The following CLSTN2 variants were observed in gnomAD, a reference collection of about 807,000 sequenced individuals.
CLSTN2 encodes calsyntenin-2.
A neutral mutation model predicts 101.2 loss-of-function variants in CLSTN2; 48 were observed. The observed-to-expected ratio is 0.47, with a 90% CI of 0.38 to 0.60. CLSTN2 has a LOEUF of 0.60. Among genes scored for constraint, CLSTN2 ranks in the 20% least tolerant of loss-of-function variants. CLSTN2 has a pLI of 0.00. For missense variants in CLSTN2, 1,160 were observed against 1,238.2 expected, an observed-to-expected ratio of 0.94 and a Z score of 0.95; for synonymous variants, 481 against 463.6, an observed-to-expected ratio of 1.04 and a Z score of -0.48.
intron 8 of CLSTN2, chr3:140,507,241 TAACTC>T (rs1934703318): frequency 6.6e-6 from 1 of 152,216 alleles, no homozygotes; most frequent in South Asian, 2.1e-4. Context: ...TTACATGTAT[TAACTC>T]AATCATCACA....
At chr3:140,352,587 C>T (rs778898709) in intron 2 of CLSTN2, among the ~76,000 whole-genome samples, 4 of 152,232 alleles carry the variant, frequency 2.6e-5, no homozygotes, top group African/African-American at 4.8e-5. Flanking sequence ...ATTTGCATTC[C>T]GACAATGGAT....
At position 140,226,887 on chromosome 3, in the gene CLSTN2, C is replaced by T. The variant is rs116191231; in HGVS notation, c.232+50814C>T. Among the ~76,000 whole-genome samples the T allele has an allele frequency of 8.0e-3, 1,214 of 152,288 alleles. 17 individuals carry two copies. Among genetic ancestry groups the T allele is most frequent in the Non-Finnish European group, 0.01 (712 of 68,008 alleles). On this transcript the variant is annotated intron_variant, in intron 2 of 16. Coordinates refer to ENST00000458420, the MANE Select transcript of CLSTN2 (RefSeq NM_022131.3). ...TTTAAAACCATCAGATTTTGTGAGA[C>T]TCTTTCACTATCATGAGAACAGTGC...
At chr3:140,047,288 A>G (rs2007900089) in intron 1 of CLSTN2, among the ~76,000 whole-genome samples, 1 of 152,152 alleles carries the variant, frequency 6.6e-6, no homozygotes, top group African/African-American at 2.4e-5. Context: ...TAGTAATAAG[A>G]AATCCTAATA....
intron 2 of CLSTN2, among the ~76,000 whole-genome samples, chr3:140,264,425 TATAA>T (rs2086678696): frequency 2.2e-5 from 2 of 89,460 alleles, no homozygotes; most frequent in Admixed American, 1.2e-4. Flanking sequence ...TATATATATA[TATAA>T]AATTAGGCAT....
intron 5 of CLSTN2, among the ~76,000 whole-genome samples, chr3:140,429,893 AC>A (rs1431547846): frequency 6.6e-6 from 1 of 151,936 alleles, no homozygotes; most frequent in African/African-American, 2.4e-5. Context: ...GCTGAAGAGG[AC>A]CCTGCTACAC....
intron 1 of CLSTN2, among the ~76,000 whole-genome samples, chr3:139,953,806 A>C (rs1460571296): frequency 4.0e-5 from 6 of 151,808 alleles, no homozygotes; most frequent in African/African-American, 1.5e-4. Flanking sequence ...CCACTCCCCT[A>C]CTGGTATTTC....
intron 2 of CLSTN2, among the ~76,000 whole-genome samples, chr3:140,391,282 A>T (rs1375780197): frequency 6.9e-6 from 1 of 145,786 alleles, no homozygotes; most frequent in Non-Finnish European, 1.5e-5. Context: ...AAACTCATCC[A>T]TCCCTAGTAG....
intron 2 of CLSTN2, among the ~76,000 whole-genome samples, chr3:140,276,564 A>C (rs2086797145): frequency 6.6e-6 from 1 of 152,190 alleles, no homozygotes; most frequent in Admixed American, 6.5e-5. Context: ...AGAACACAAA[A>C]TAGGGAAAAG....
At chr3:140,105,595 G>A (rs1209435382) in intron 1 of CLSTN2, among the ~76,000 whole-genome samples, 4 of 152,186 alleles carry the variant, frequency 2.6e-5, no homozygotes, top group Non-Finnish European at 5.9e-5. Context: ...TATTTACTAA[G>A]CATCTAATCT....
At chr3:140,465,870 G>A (rs1252766837) in intron 7 of CLSTN2, among the ~76,000 whole-genome samples, 1 of 152,168 alleles carries the variant, frequency 6.6e-6, no homozygotes, top group Non-Finnish European at 1.5e-5. Context: ...CCTGGTAGAT[G>A]TCTGGTGTGT....
intron 2 of CLSTN2, among the ~76,000 whole-genome samples, chr3:140,328,920 A>G (rs1246653184): frequency 6.6e-6 from 1 of 152,114 alleles, no homozygotes; most frequent in African/African-American, 2.4e-5. Context: ...GATGTGAGTT[A>G]TTATGAGGTT....
At chr3:140,428,639 C>T (rs1291548066) in intron 5 of CLSTN2, among the ~76,000 whole-genome samples, 2 of 152,204 alleles carry the variant, frequency 1.3e-5, no homozygotes, top group Non-Finnish European at 2.9e-5. Flanking sequence ...CAGCAATTCA[C>T]ACAACACCAC....
intron 7 of CLSTN2, among the ~76,000 whole-genome samples, chr3:140,460,611 C>A (rs62266436): frequency 0.032 from 4,887 of 152,262 alleles, 117 homozygotes; most frequent in Non-Finnish European, 0.051. Context: ...TAACTTGTCA[C>A]AAGTAGTTAT....
chr3:140,238,268 G>A (rs1029625439), intron 2 of CLSTN2, among the ~76,000 whole-genome samples: 1 of 152,104 alleles, frequency 6.6e-6, no homozygotes. Context: ...ACTTTTCAGT[G>A]CTCTCTGGAA....
intron 2 of CLSTN2, among the ~76,000 whole-genome samples, chr3:140,403,039 GA>G (rs562563223): frequency 1.3e-3 from 200 of 152,132 alleles, no homozygotes; most frequent in Admixed American, 2.9e-3. Context: ...CACTGATTGA[GA>G]AAAAAGGAGA....
At chr3:140,406,722 T>A (rs79402248) in intron 4 of CLSTN2, among the ~76,000 whole-genome samples, 2 of 152,214 alleles carry the variant, frequency 1.3e-5, no homozygotes, top group African/African-American at 4.8e-5. Flanking sequence ...GTGCAGTGTA[T>A]CCCATAAAAG....
intron 8 of CLSTN2, among the ~76,000 whole-genome samples, chr3:140,509,897 T>C (rs1227931732): frequency 6.6e-6 from 1 of 152,220 alleles, no homozygotes; most frequent in African/African-American, 2.4e-5. Context: ...TTAATATAGA[T>C]GCTCCTCAAC....
At chr3:140,110,024 C>A (rs1470708836) in intron 1 of CLSTN2, among the ~76,000 whole-genome samples, 1 of 152,164 alleles carries the variant, frequency 6.6e-6, no homozygotes, top group East Asian at 1.9e-4. Context: ...ATCTCAGAAT[C>A]ATTTATGCCA....
intron 5 of CLSTN2, among the ~76,000 whole-genome samples, chr3:140,422,697 C>T (rs2088518792): frequency 6.6e-6 from 1 of 152,152 alleles, no homozygotes; most frequent in Non-Finnish European, 1.5e-5. Context: ...GAAAGAAGGA[C>T]AAGCCAGAGT....
Sources: gnomAD v4.1 joint callset for allele counts (sites outside exome capture counted in the v4.1 genomes callset) on GRCh38, gnomAD v4.1.1 for gene constraint, MANE v1.5 for transcripts, NCBI Gene and HGNC (gene_info 2026-07-23, HGNC 2026-07-21) for gene names.